The following TEP1 variants were observed in gnomAD, a reference collection of about 807,000 sequenced individuals.
TEP1 encodes the protein telomerase protein component 1.
Under a neutral mutation model 306.3 loss-of-function variants are expected in TEP1, and 241 were observed. The observed-to-expected ratio is 0.79, with a 90% confidence interval of 0.71 to 0.88. The LOEUF is 0.88. Ranked by LOEUF, TEP1 falls within the 40% of genes least tolerant of loss-of-function variation. TEP1 has a pLI of 0.00. For missense variants in TEP1, 3,051 were observed against 3,276.1 expected, an observed-to-expected ratio of 0.93 and a Z score of 1.68; for synonymous variants, 1,289 against 1,305.5, an observed-to-expected ratio of 0.99 and a Z score of 0.27.
In TEP1 at chr14:20,395,959, AAAG is replaced by A. The variant is rs1878169107; in HGVS notation, c.1660-13_1660-11del. 6.2e-7 allele frequency: 1 copy of A among 1,613,458 alleles called. No individual in the cohort carries two copies. The highest frequency in any genetic ancestry group is 2.2e-5 in the East Asian group (1 of 44,884). ...TGTGGATCACCGACTTCTAGAAAGC[AAAG>A]GAGGGAGGGGTCATGAGCACAGGAG... On this transcript the variant is annotated splice_polypyrimidine_tract_variant and intron_variant, in intron 10 of 54. Coordinates refer to ENST00000262715, the MANE Select transcript of TEP1 (RefSeq NM_007110.5).
At position 20,405,594 on chromosome 14, in the gene TEP1, T is replaced by C; in HGVS notation, c.736-9A>G. 6.2e-7 allele frequency: 1 copy of C among 1,612,746 alleles called. No homozygotes were observed. The highest frequency in any genetic ancestry group is 1.1e-5 in the South Asian group (1 of 90,932). On this transcript the variant is annotated splice_polypyrimidine_tract_variant and intron_variant, in intron 3 of 54. Transcript: ENST00000262715. The stretch of plus-strand genomic sequence containing the variant: ...AAGCTCAGTAGAGCCATCTGGGAAT[T>C]GAGAAAGAGGGAAGAAATGAGAAGA...
Position 20,405,551 on chromosome 14 carries a change from A to T in TEP1, c.770T>A (p.Val257Asp), listed in dbSNP as rs748414519. The T allele has an allele frequency of 6.2e-6, 10 of 1,614,062 alleles. No homozygotes were observed. Among genetic ancestry groups the T allele is most frequent in the Non-Finnish European group, 8.5e-6 (10 of 1,180,048 alleles). Residue 257 changes from valine to aspartate, a missense_variant, in exon 4 of 55, where the codon GTC becomes GAC. Transcript: ENST00000262715. Reference protein sequence around the residue: ...ALLSLLCSTLVSEVNMNNTSD... With the variant: ...ALLSLLCSTLDSEVNMNNTSD... ...TGTATTGTTCATGTTTACTTCTGAG[A>T]CCAGAGTAGAGCACAGCAAGCTCAG...
At chr14:20,379,127 C>A (rs754568121) in intron 35 of TEP1, 22 bp from the exon 36 acceptor site, 1 of 1,612,264 alleles carries the variant, frequency 6.2e-7, no homozygotes, top group South Asian at 1.1e-5. Flanking sequence ...GGTGAGGGAG[C>A]GCAGCTCAGG....
At position 20,377,440 on chromosome 14, in the gene TEP1, G is replaced by A; in HGVS notation, c.5928C>T (p.Ala1976=). ...TCACCAATACCTTGGGGCTTAGCCA[G>A]GCCAGGGCGGACACTGCCACATCCA... is the stretch of plus-strand genomic sequence containing the variant. ...QALDVAVSAL[A]WLSPKVLVSG... The change falls in exon 41 of 55, where the codon GCC becomes GCT. Residue 1976 remains alanine, a synonymous_variant. Coordinates refer to ENST00000262715, the MANE Select transcript of TEP1 (RefSeq NM_007110.5). 1 of 1,614,148 alleles carries A rather than the reference G, an allele frequency of 6.2e-7. No homozygotes were observed. The highest frequency in any genetic ancestry group is 8.5e-7 in the Non-Finnish European group (1 of 1,180,028).
chr14:20,381,368 GAGGCATC>G lies in TEP1; in HGVS notation c.4585_4591del (p.Asp1529GlnfsTer80). On this transcript the variant is annotated frameshift_variant, in exon 32 of 55. Coordinates refer to ENST00000262715, the MANE Select transcript of TEP1 (RefSeq NM_007110.5). LOFTEE classifies it high-confidence loss of function. This position sits in a 1 kb window ranked among gnomAD's most constrained non-coding sequence, Gnocchi z 4.0. ...AGGAGGGCAACTTCGGAAGGTGCCT[GAGGCATC>G]AGCGTCACATGTCTTCCAGAGCTGA... The G allele has an allele frequency of 6.2e-7, 1 of 1,614,202 alleles. No individual in the cohort carries two copies. Among genetic ancestry groups the G allele is most frequent in the Non-Finnish European group, 8.5e-7 (1 of 1,180,036 alleles).
At chr14:20,399,536 T>A (rs1878484935) in intron 9 of TEP1, among the ~76,000 whole-genome samples, 1 of 150,572 alleles carries the variant, frequency 6.6e-6, no homozygotes, top group Non-Finnish European at 1.5e-5. Flanking sequence ...TTTCCTTTTA[T>A]TTATTTATAT....
In TEP1 at chr14:20,377,462, T is replaced by C. The variant is rs1458476242; in HGVS notation, c.5906A>G (p.Asp1969Gly). ...CCAGGCCAGGGCGGACACTGCCACATCCAGTGCCTGACCCTGAGCCCCCTG... is the reference window on the plus strand; with the variant it reads ...CCAGGCCAGGGCGGACACTGCCACACCCAGTGCCTGACCCTGAGCCCCCTG... ...GSQGAQGQALDVAVSALAWLS... is the reference protein window; with the variant it reads ...GSQGAQGQALGVAVSALAWLS... The change falls in exon 41 of 55, where the codon GAT becomes GGT. Residue 1969 changes from aspartate (D) to glycine (G), a missense_variant. Transcript: ENST00000262715. 6 of 1,613,960 alleles carry C rather than the reference T, an allele frequency of 3.7e-6. No individual in the cohort carries two copies. The highest frequency in any genetic ancestry group is 5.1e-6 in the Non-Finnish European group (6 of 1,179,950).
chr14:20,388,203 GC>G, intron 17 of TEP1, 140 bp from the exon 18 acceptor site: 1 of 803,846 alleles, frequency 1.2e-6, no homozygotes. Context: ...AGGACCATAA[GC>G]AGTTTATGCA....
Position 20,383,765 on chromosome 14 carries a change from C to A in TEP1, c.3688G>T (p.Gly1230Cys), listed in dbSNP as rs369824251. The change falls in exon 25 of 55, where the codon GGT becomes TGT. Residue 1230 changes from glycine to cysteine, a missense_variant. Transcript: ENST00000262715. Reference sequence around the variant, plus strand: ...CACCGGTAGGTGCTGGGGAGGGCACCTGGCTCTTTTAGTTGGCCACGCAGA... The same window carrying A: ...CACCGGTAGGTGCTGGGGAGGGCACATGGCTCTTTTAGTTGGCCACGCAGA... Reference protein sequence around the residue: ...TYLRGQLKEPGALPSTYRSLV... With the variant: ...TYLRGQLKEPCALPSTYRSLV... The A allele has an allele frequency of 1.6e-5, 26 of 1,611,632 alleles. No homozygotes were observed. In the African/African-American group the frequency reaches 2.9e-4, roughly 18 times the overall value.
intron 51 of TEP1, among the ~76,000 whole-genome samples, chr14:20,370,450 G>A (rs1884767492): frequency 1.3e-5 from 2 of 152,146 alleles, no homozygotes; most frequent in Non-Finnish European, 2.9e-5. Context: ...CATATAGTAT[G>A]TACTCCTTTG....
chr14:20,379,803 G>T, intron 35 of TEP1, 127 bp downstream of exon 35: 2 of 1,289,266 alleles, frequency 1.6e-6, no homozygotes, highest in Non-Finnish European at 2.1e-6. Flanking sequence ...CCTTTGAGCT[G>T]ATGTGCAGGC....
intron 12 of TEP1, 61 bp downstream of exon 12, chr14:20,395,389 C>A: frequency 2.7e-6 from 4 of 1,482,570 alleles, no homozygotes; most frequent in Non-Finnish European, 3.6e-6. Flanking sequence ...CAGATGACTT[C>A]CAACCTGTGC....
intron 1 of TEP1, among the ~76,000 whole-genome samples, 176 bp from the exon 2 acceptor site, chr14:20,408,639 T>C (rs868217185): frequency 2.0e-5 from 3 of 151,770 alleles, no homozygotes; most frequent in African/African-American, 7.3e-5. Context: ...GAGAGAGGGA[T>C]AGGGAAAAGG....
chr14:20,389,489 GTAAGAAGGCAGAGT>G, intron 16 of TEP1, 107 bp downstream of exon 16: 3 of 1,511,812 alleles, frequency 2.0e-6, no homozygotes, highest in Non-Finnish European at 2.7e-6. Context: ...TGCAACAGAG[GTAAGAAGGCAGAGT>G]TGGGGAGATC....
chr14:20,404,859 G>A lies in TEP1; in HGVS notation c.871-87C>T, dbSNP rs559021708. The A allele has an allele frequency of 1.5e-5, 22 of 1,451,168 alleles. No individual in the cohort carries two copies. The East Asian group carries it at 4.5e-4, about 30-fold the overall frequency. 89.9% of individuals were successfully genotyped at this position (1,451,168 alleles called of 1,614,324 possible). On this transcript the variant is annotated intron_variant, in intron 4 of 54. Transcript: ENST00000262715. ...AATTACTTGCTGATTGAGTGTGCCT[G>A]TATAAAACCTTTCCTGAGCCCTCCA...
chr14:20,369,605 A>G, intron 52 of TEP1, 29 bp from the exon 53 acceptor site: 1 of 1,613,612 alleles, frequency 6.2e-7, no homozygotes, highest in Middle Eastern at 1.6e-4. Context: ...AATTAGAGCC[A>G]AGTCTCAGGG....
rs529292418 is a variant in TEP1 at position 20,383,734 on chromosome 14, G to A, written c.3710+9C>T. 33 of 1,610,468 alleles carry A rather than the reference G, an allele frequency of 2.0e-5. 1 individual carries two copies. In the South Asian group the frequency reaches 3.3e-4, roughly 16 times the overall value. ...ATCAACAAGGCTGGGCTCATTGGGG[G>A]ATACCCACCGGTAGGTGCTGGGGAG... On this transcript the variant is annotated intron_variant, in intron 25 of 54. Coordinates refer to ENST00000262715, the MANE Select transcript of TEP1 (RefSeq NM_007110.5).
Position 20,403,438 on chromosome 14 carries a change from G to A in TEP1, c.1205C>T (p.Pro402Leu). Residue 402 changes from proline (P) to leucine (L), a missense_variant, in exon 7 of 55, where the codon CCT becomes CTT. Coordinates refer to ENST00000262715, the MANE Select transcript of TEP1 (RefSeq NM_007110.5). Reference sequence around the variant, plus strand: ...TGGAAAACATCTGTGAGAAAATGGAGGCTCCATCCCCTGTAGGGACAGGAG... The same window carrying A: ...TGGAAAACATCTGTGAGAAAATGGAAGCTCCATCCCCTGTAGGGACAGGAG... ...RRPPRSPGME[P>L]PFSHRCFPRY... 1 of 1,614,150 alleles carries A rather than the reference G, an allele frequency of 6.2e-7. No homozygotes were observed. The highest frequency in any genetic ancestry group is 8.5e-7 in the Non-Finnish European group (1 of 1,180,024).
intron 17 of TEP1, among the ~76,000 whole-genome samples, chr14:20,388,496 A>G (rs893271972): frequency 6.6e-6 from 1 of 152,232 alleles, no homozygotes; most frequent in Admixed American, 6.5e-5. Context: ...AAACAAGTAA[A>G]TAAGAAGGCA....
Sources: gnomAD v4.1 joint callset for allele counts (sites outside exome capture counted in the v4.1 genomes callset) on GRCh38, gnomAD v4.1.1 for gene constraint, Gnocchi (gnomAD v3.1) non-coding constraint, MANE v1.5 for transcripts, NCBI Gene and HGNC (gene_info 2026-07-23, HGNC 2026-07-21) for gene names.